SEMA6D: variants seen among roughly 807,000 people sequenced by gnomAD.
SEMA6D encodes the protein semaphorin 6D.
Under a neutral mutation model 106.6 loss-of-function variants are expected in SEMA6D, and 35 were observed. The observed-to-expected ratio is 0.33, with a 90% CI of 0.25 to 0.44. The LOEUF (loss-of-function observed/expected upper bound fraction) is 0.44, where lower values mean the gene tolerates loss of function less well. SEMA6D is among the 20% of genes least tolerant of loss of function. The pLI is 1.00. For missense variants in SEMA6D, 1,185 were observed against 1,345.9 expected (o/e 0.88, Z 1.87); for synonymous variants, 499 against 487.7 (o/e 1.02, Z -0.31).
chr15:47,409,998 T>G (rs1198825361), intron 1 of SEMA6D, among the ~76,000 whole-genome samples: 1 of 152,136 alleles, frequency 6.6e-6, no homozygotes, highest in Non-Finnish European at 1.5e-5. Flanking sequence ...TTAAGAAATT[T>G]TTTTTTTAAA....
chr15:47,545,530 A>AT (rs1386336139), intron 3 of SEMA6D, among the ~76,000 whole-genome samples: 5 of 152,142 alleles, frequency 3.3e-5, no homozygotes, highest in Admixed American at 3.3e-4. Context: ...ATAGCTCAGA[A>AT]TAGCAACATG....
chr15:47,578,031 A>G (rs11633588), intron 3 of SEMA6D, among the ~76,000 whole-genome samples: 37,826 of 152,158 alleles, frequency 0.25, 5,375 homozygotes, highest in East Asian at 0.46. Context: ...CTTTGGATGC[A>G]TGACATTATT....
chr15:47,755,537 T>C (rs1431357597), intron 1 of SEMA6D, among the ~76,000 whole-genome samples: 2 of 152,192 alleles, frequency 1.3e-5, no homozygotes, highest in African/African-American at 2.4e-5. Context: ...TGTAATCTTA[T>C]CTTTTCTGGC....
chr15:47,188,477 C>T (rs1013270156), intron 1 of SEMA6D, among the ~76,000 whole-genome samples: 2 of 152,066 alleles, frequency 1.3e-5, no homozygotes, highest in South Asian at 4.2e-4. Flanking sequence ...CTCTTGATAC[C>T]TAGCTTTTTT....
At chr15:47,371,766 C>T (rs1442210243) in intron 1 of SEMA6D, among the ~76,000 whole-genome samples, 1 of 152,114 alleles carries the variant, frequency 6.6e-6, no homozygotes, top group Non-Finnish European at 1.5e-5. Context: ...ACTTTTTCTG[C>T]TTCTTGCTCT....
chr15:47,676,416 C>T (rs1230135059), intron 4 of SEMA6D, among the ~76,000 whole-genome samples: 1 of 152,172 alleles, frequency 6.6e-6, no homozygotes, highest in East Asian at 1.9e-4. Flanking sequence ...GCTAACTCAG[C>T]TCCTTTAAGC....
At chr15:47,644,743 A>ACCCC (rs1271080273) in intron 4 of SEMA6D, among the ~76,000 whole-genome samples, 1 of 152,198 alleles carries the variant, frequency 6.6e-6, no homozygotes, top group Non-Finnish European at 1.5e-5. Flanking sequence ...TTTATAAATT[A>ACCCC]CCCAGTCTCA....
intron 1 of SEMA6D, among the ~76,000 whole-genome samples, chr15:47,234,316 A>G (rs2032403294): frequency 2.0e-5 from 3 of 152,050 alleles, no homozygotes; most frequent in Admixed American, 2.0e-4. Context: ...AATGTTATAC[A>G]TACATATATA....
In SEMA6D at chr15:47,470,719, T is replaced by G. The variant is rs114263549; in HGVS notation, c.-87+174T>G. ...GACTAAGTGGTCAGGTTGGGTTAGC[T>G]TTACAGATTGGATTCTTGATTTAAT... On this transcript the variant is annotated intron_variant, in intron 3 of 19. Transcript: ENST00000558014. Among the ~76,000 whole-genome samples the G allele has an allele frequency of 5.2e-3, 799 of 152,274 alleles. 5 individuals are homozygous for G. Among genetic ancestry groups the G allele is most frequent in the African/African-American group, 0.018 (767 of 41,560 alleles).
chr15:47,590,246 T>C (rs2076413386), intron 3 of SEMA6D, among the ~76,000 whole-genome samples: 1 of 152,114 alleles, frequency 6.6e-6, no homozygotes, highest in South Asian at 2.1e-4. Flanking sequence ...TGGATGAAGC[T>C]GGAAACCGTC....
intron 1 of SEMA6D, among the ~76,000 whole-genome samples, chr15:47,391,100 T>G (rs1352776050): frequency 2.0e-5 from 3 of 152,200 alleles, no homozygotes; most frequent in Non-Finnish European, 4.4e-5. Context: ...GCCTTCTCTT[T>G]TGAGGATATT....
At chr15:47,271,145 A>G (rs2034545601) in intron 1 of SEMA6D, among the ~76,000 whole-genome samples, 1 of 152,106 alleles carries the variant, frequency 6.6e-6, no homozygotes, top group South Asian at 2.1e-4. Context: ...AACTCCATAC[A>G]CCTCCATGTA....
chr15:47,601,435 A>T (rs1020808136), intron 4 of SEMA6D, among the ~76,000 whole-genome samples: 1 of 152,190 alleles, frequency 6.6e-6, no homozygotes, highest in Admixed American at 6.6e-5. Flanking sequence ...ATTAAATAAC[A>T]TAATAGGGAT....
intron 4 of SEMA6D, among the ~76,000 whole-genome samples, chr15:47,636,084 GAC>G (rs1257628087): frequency 9.2e-5 from 14 of 152,002 alleles, no homozygotes; most frequent in African/African-American, 3.1e-4. Flanking sequence ...TCTCAAAATT[GAC>G]AGAGATGGGG....
intron 4 of SEMA6D, among the ~76,000 whole-genome samples, chr15:47,621,959 A>G (rs1349729318): frequency 6.6e-6 from 1 of 152,152 alleles, no homozygotes; most frequent in Non-Finnish European, 1.5e-5. Flanking sequence ...AGGCTATGAA[A>G]GCTAGTGGTT....
rs752530744 is a variant in SEMA6D, at chr15:47,489,740, C to T, written c.-87+19195C>T. Among the ~76,000 whole-genome samples, 83 of 152,078 alleles carry T rather than the reference C, an allele frequency of 5.5e-4. 1 individual carries two copies. Among genetic ancestry groups the T allele is most frequent in the Admixed American group, 2.2e-3 (34 of 15,272 alleles). ...GATCTTGGCTCGCTGCAACCTCCGC[C>T]TCCCAGGTTCAAGCGATTCTCCTGC... On this transcript the variant is annotated intron_variant, in intron 3 of 19. Coordinates refer to the SEMA6D transcript ENST00000558014.
chr15:47,348,673 T>TCA (rs71118173), intron 1 of SEMA6D, among the ~76,000 whole-genome samples: 5,515 of 104,988 alleles, frequency 0.053, 196 homozygotes, highest in East Asian at 0.15. Context: ...CAAGAGTACA[T>TCA]CACACACACA....
intron 3 of SEMA6D, among the ~76,000 whole-genome samples, chr15:47,560,819 G>T (rs1377066454): frequency 1.3e-5 from 2 of 152,116 alleles, no homozygotes; most frequent in South Asian, 2.1e-4. Flanking sequence ...GGACACAGAA[G>T]AACCTGTGTA....
intron 2 of SEMA6D, among the ~76,000 whole-genome samples, chr15:47,442,296 G>A (rs574034984): frequency 2.3e-4 from 35 of 152,158 alleles, no homozygotes; most frequent in African/African-American, 7.0e-4. Context: ...CTTTTCCTAT[G>A]TGGGGCAGTG....
Sources: allele counts gnomAD v4.1 joint callset (sites outside exome capture counted in the v4.1 genomes callset), GRCh38; gene constraint gnomAD v4.1.1; transcripts MANE v1.5; gene names NCBI Gene and HGNC (gene_info 2026-07-23, HGNC 2026-07-21).